Variants in DTX1 observed in about 807,000 individuals in gnomAD.
DTX1 encodes E3 ubiquitin-protein ligase DTX1.
DTX1 carries 26 observed loss-of-function variants against 57.8 expected under a neutral mutation model. The observed-to-expected ratio is 0.45, with a 90% CI of 0.33 to 0.62. The LOEUF is 0.62. DTX1 is among the 20% of genes least tolerant of loss of function. The pLI is 0.02. For synonymous variants in DTX1, 398 were observed against 394.1 expected (o/e 1.01, Z -0.12); for missense variants, 704 against 895.3 (o/e 0.79, Z 2.73).
rs1314327856 is a variant in DTX1, at chr12:113,078,061, C to T, written c.897C>T (p.Pro299=). The change falls in exon 3 of 10, where the codon CCC becomes CCT. Residue 299 remains proline, a synonymous_variant. Coordinates refer to ENST00000548759, the MANE Select transcript of DTX1 (RefSeq NM_004416.3). ...AGAACAACCTCAACCGGCCCGGGCC[C>T]CAGCGCACCACCAGCGTGAGCGCGC... ...PGQNNLNRPG[P]QRTTSVSARA... The T allele has an allele frequency of 2.9e-6, 4 of 1,389,300 alleles. No homozygotes were observed. Among genetic ancestry groups the T allele is most frequent in the Non-Finnish European group, 3.7e-6 (4 of 1,070,794 alleles). 86.1% of individuals were successfully genotyped at this position (1,389,300 alleles called of 1,614,324 possible). A position where few individuals can be genotyped will look rare whatever the true frequency, so the allele number is the denominator to read the frequency against.
intron 3 of DTX1, among the ~76,000 whole-genome samples, chr12:113,081,229 G>A (rs905144737): frequency 6.6e-6 from 1 of 152,092 alleles, no homozygotes; most frequent in East Asian, 1.9e-4. Context: ...TGTAATCCCA[G>A]CTACTGGGAG....
At chr12:113,086,572 C>T (rs150588209) in intron 3 of DTX1, among the ~76,000 whole-genome samples, 84 of 152,230 alleles carry the variant, frequency 5.5e-4, no homozygotes, top group Middle Eastern at 3.4e-3. Context: ...GAGCATAGAC[C>T]GCAGTGGGGC....
intron 2 of DTX1, among the ~76,000 whole-genome samples, chr12:113,070,035 A>G (rs1311615586): frequency 2.0e-5 from 3 of 152,282 alleles, no homozygotes; most frequent in Admixed American, 6.5e-5. Flanking sequence ...CAGCAAATGA[A>G]GCAAGGTGGC....
chr12:113,075,783 C>A (rs558219785), intron 2 of DTX1, among the ~76,000 whole-genome samples: 4 of 151,676 alleles, frequency 2.6e-5, no homozygotes, highest in African/African-American at 9.7e-5. Flanking sequence ...AAGGAATGGA[C>A]GAATGCAGGG....
At chr12:113,070,316 G>A (rs140029285) in intron 2 of DTX1, among the ~76,000 whole-genome samples, 3 of 152,310 alleles carry the variant, frequency 2.0e-5, no homozygotes, top group Admixed American at 1.3e-4. Flanking sequence ...CCCAACCCCC[G>A]GTCACAGGCC....
chr12:113,066,770 C>T (rs1276658176), intron 2 of DTX1, among the ~76,000 whole-genome samples: 1 of 152,160 alleles, frequency 6.6e-6, no homozygotes, highest in African/African-American at 2.4e-5. Context: ...CACAGAAGCC[C>T]TCAAGGTGCT....
At position 113,081,253 on chromosome 12, in the gene DTX1, C is replaced by T. The variant is rs577941755; in HGVS notation, c.941+3148C>T. On this transcript the variant is annotated intron_variant, in intron 3 of 9. Coordinates refer to ENST00000548759, the MANE Select transcript of DTX1 (RefSeq NM_004416.3). Reference sequence around the variant, plus strand: ...AGCTACTGGGAGGATTGCGTGAACCCGGGAGGTGGAGGTTGCAGTGAGCCG... The same window carrying T: ...AGCTACTGGGAGGATTGCGTGAACCTGGGAGGTGGAGGTTGCAGTGAGCCG... Among the ~76,000 whole-genome samples, 40 of 152,084 alleles carry T rather than the reference C, an allele frequency of 2.6e-4. No homozygotes were observed. The South Asian group carries it at 6.4e-3, about 24-fold the overall frequency.
chr12:113,077,485 C>A lies in DTX1; in HGVS notation c.321C>A (p.Ile107=). 4 of 1,613,154 alleles carry A rather than the reference C, an allele frequency of 2.5e-6. No individual in the cohort carries two copies. The highest frequency in any genetic ancestry group is 1.7e-5 in the Admixed American group (1 of 60,002). ...CGTCGTCGGCGCCGGGCAAGGGCAT[C>A]GTGTGGGAGTGGGAGAACGACGGCG... The part of the protein sequence containing the change: ...YDPSSAPGKG[I]VWEWENDGGA... The change falls in exon 3 of 10, where the codon ATC becomes ATA. Residue 107 remains isoleucine (I), a synonymous_variant. Coordinates refer to ENST00000548759, the MANE Select transcript of DTX1 (RefSeq NM_004416.3). This position sits in a 1 kb window ranked among gnomAD's most constrained non-coding sequence, Gnocchi z 7.8.
chr12:113,057,070 C>T (rs548017622), intron 1 of DTX1, 126 bp downstream of exon 1: 2 of 152,298 alleles, frequency 1.3e-5, no homozygotes, highest in East Asian at 1.9e-4. Context: ...GACGATCCAG[C>T]TCCTGGCTTC....
At chr12:113,060,965 G>A (rs181587878) in intron 2 of DTX1, among the ~76,000 whole-genome samples, 7 of 152,314 alleles carry the variant, frequency 4.6e-5, no homozygotes, top group African/African-American at 1.4e-4. Context: ...AGGCTGCCAA[G>A]TTGGCAACTT....
Position 113,094,111 on chromosome 12 carries a change from AT to A in DTX1, c.1227+13del. On this transcript the variant is annotated intron_variant, in intron 6 of 9. Transcript: ENST00000548759. Reference sequence around the variant, plus strand: ...ACCCACCTGATGAGGTGAGGAGGGGATGGGGGGGCTGGGGGAGGGCCCTGGC... The same window carrying A: ...ACCCACCTGATGAGGTGAGGAGGGGAGGGGGGGCTGGGGGAGGGCCCTGGC... The A allele has an allele frequency of 1.8e-6, 1 of 562,460 alleles. No homozygotes were observed. Among genetic ancestry groups the A allele is most frequent in the Non-Finnish European group, 3.2e-6 (1 of 309,054 alleles). The allele number at this position is 562,460 out of a possible 1,614,324, so 34.8% of individuals were successfully genotyped here. A position where few individuals can be genotyped will look rare whatever the true frequency, so the allele number is the denominator to read the frequency against.
intron 3 of DTX1, among the ~76,000 whole-genome samples, chr12:113,091,539 G>C (rs1950246937): frequency 6.6e-6 from 1 of 152,090 alleles, no homozygotes; most frequent in Non-Finnish European, 1.5e-5. Context: ...CGGGGAGTAT[G>C]ATAAGTCTGT....
Position 113,058,023 on chromosome 12 carries a change from C to T in DTX1, c.-170C>T. 1.8e-6 allele frequency: 2 copies of T among 1,120,116 alleles called. No homozygotes were observed. Among genetic ancestry groups the T allele is most frequent in the South Asian group, 3.3e-5 (2 of 60,068 alleles). 69.4% of individuals were successfully genotyped at this position (1,120,116 alleles called of 1,614,324 possible). A position where few individuals can be genotyped will look rare whatever the true frequency, so the allele number is the denominator to read the frequency against. On this transcript the variant is annotated 5_prime_UTR_variant, in exon 2 of 10. Coordinates refer to ENST00000548759, the MANE Select transcript of DTX1 (RefSeq NM_004416.3). Reference sequence around the variant, plus strand: ...CTTTGCAGCCTGGATGGCCATCCCACATTCCTTTAACGGAGGTCTCTAGGC... The same window carrying T: ...CTTTGCAGCCTGGATGGCCATCCCATATTCCTTTAACGGAGGTCTCTAGGC...
rs1054359440 is a variant in DTX1 at position 113,057,801 on chromosome 12, A to C, written c.-392A>C. ...CTGTGGCCCAGGCCTCCTGGGTGAC[A>C]GGCCCTGTCTGGCGGGGAAGAGGGA... On this transcript the variant is annotated 5_prime_UTR_variant, in exon 2 of 10. Coordinates refer to ENST00000548759, the MANE Select transcript of DTX1 (RefSeq NM_004416.3). The C allele has an allele frequency of 2.6e-5, 5 of 195,254 alleles. No homozygotes were observed. The highest frequency in any genetic ancestry group is 2.2e-3 in the Middle Eastern group (1 of 454). The allele number at this position is 195,254 out of a possible 1,614,324, so 12.1% of individuals were successfully genotyped here. A position where few individuals can be genotyped will look rare whatever the true frequency, so the allele number is the denominator to read the frequency against.
At chr12:113,094,347 A>T (rs1206496194) in intron 6 of DTX1, among the ~76,000 whole-genome samples, 5 of 152,058 alleles carry the variant, frequency 3.3e-5, no homozygotes, top group Admixed American at 3.3e-4. Flanking sequence ...TTTGCTTTTG[A>T]TAGTTAAGCC....
intron 3 of DTX1, among the ~76,000 whole-genome samples, chr12:113,079,810 T>C (rs2044803744): frequency 6.6e-6 from 1 of 151,694 alleles, no homozygotes; most frequent in Non-Finnish European, 1.5e-5. Context: ...CTGCCAGCCT[T>C]GGCCTCCCAA....
At chr12:113,086,909 A>G (rs1592852349) in intron 3 of DTX1, among the ~76,000 whole-genome samples, 1 of 130,930 alleles carries the variant, frequency 7.6e-6, no homozygotes, top group Non-Finnish European at 1.6e-5. Flanking sequence ...CAAACCAAAC[A>G]CTCCCCCCAC....
chr12:113,095,259 C>T, intron 8 of DTX1, 56 bp downstream of exon 8: 3 of 1,610,034 alleles, frequency 1.9e-6, no homozygotes, highest in East Asian at 4.5e-5. Context: ...CCAACTCCTC[C>T]AGATGCTTCT....
chr12:113,066,313 G>A (rs1162911713), intron 2 of DTX1, among the ~76,000 whole-genome samples: 2 of 152,120 alleles, frequency 1.3e-5, no homozygotes, highest in Admixed American at 6.5e-5. Context: ...TGGATCACCT[G>A]AGGTCAGGAG....
Sources: gnomAD v4.1 joint callset for allele counts (sites outside exome capture counted in the v4.1 genomes callset) on GRCh38, gnomAD v4.1.1 for gene constraint, Gnocchi (gnomAD v3.1) non-coding constraint, MANE v1.5 for transcripts, NCBI Gene and HGNC (gene_info 2026-07-23, HGNC 2026-07-21) for gene names.